MCM3AP: variants seen among roughly 807,000 people sequenced by gnomAD.
The protein encoded by MCM3AP is minichromosome maintenance complex component 3 associated protein, also known as germinal-center associated nuclear protein.
A neutral mutation model predicts 184.1 loss-of-function variants in MCM3AP; 126 were observed. That is an observed-to-expected ratio of 0.68 (90% confidence interval 0.59 to 0.79). The LOEUF is 0.79. Ranked by LOEUF, MCM3AP falls within the 30% of genes least tolerant of loss-of-function variation. MCM3AP has a pLI of 0.00. For missense variants in MCM3AP, 2,496 were observed against 2,479.2 expected (o/e 1.01, Z -0.14); for synonymous variants, 1,002 against 979.3 (o/e 1.02, Z -0.43).
intron 24 of MCM3AP, among the ~76,000 whole-genome samples, chr21:46,243,183 C>T (rs2080702299): frequency 1.3e-5 from 2 of 152,072 alleles, no homozygotes; most frequent in Non-Finnish European, 1.5e-5. Flanking sequence ...AAGCTTACAT[C>T]GAGACTGGCA....
intron 14 of MCM3AP, 64 bp downstream of exon 14, chr21:46,261,216 G>A (rs1199218774): frequency 1.9e-5 from 30 of 1,590,750 alleles, no homozygotes; most frequent in Non-Finnish European, 2.5e-5. Context: ...TCGTGGCTAG[G>A]GTCAGTTCTT....
rs17176933 is a variant in MCM3AP, at chr21:46,240,835, A to T, written c.5609T>A (p.Leu1870Gln). Residue 1870 changes from leucine (L) to glutamine (Q), a missense_variant, in exon 26 of 28, where the codon CTG (leucine) becomes CAG (glutamine). Physicochemically the swap from Leu to Gln is moderately radical, Grantham distance 113. Coordinates refer to ENST00000291688, the MANE Select transcript of MCM3AP (RefSeq NM_003906.5). Reference sequence around the variant, plus strand: ...CCTCTTGTTCTCTTCTTTCTCCAGCAGCAGACTGCTCGACAAACACTGCGC... The same window carrying T: ...CCTCTTGTTCTCTTCTTTCTCCAGCTGCAGACTGCTCGACAAACACTGCGC... Reference protein sequence around the residue: ...LLAQCLSSSLLLEKEENKRFE... With the variant: ...LLAQCLSSSLQLEKEENKRFE... The T allele has an allele frequency of 1.2e-6, 2 of 1,614,220 alleles. No homozygotes were observed. The highest frequency in any genetic ancestry group is 1.7e-6 in the Non-Finnish European group (2 of 1,180,040).
At position 46,260,782 on chromosome 21, in the gene MCM3AP, G is replaced by C. The variant is rs774044196; in HGVS notation, c.3581+11C>G. On this transcript the variant is annotated intron_variant, in intron 15 of 27. Transcript: ENST00000291688. ...TCTCCTGGCACAGCAAGACACCAGC[G>C]TTTCACTTACTTCAACTCCTGGGAG... 6.3e-7 allele frequency: 1 copy of C among 1,592,814 alleles called. No individual in the cohort carries two copies. The highest frequency in any genetic ancestry group is 8.6e-7 in the Non-Finnish European group (1 of 1,160,644).
At position 46,284,912 on chromosome 21, in the gene MCM3AP, A is replaced by G; in HGVS notation, c.375T>C (p.Ser125=). 8 of 1,614,258 alleles carry G rather than the reference A, an allele frequency of 5.0e-6. No individual in the cohort carries two copies. Among genetic ancestry groups the G allele is most frequent in the Non-Finnish European group, 5.9e-6 (7 of 1,180,042 alleles). ...TTTCTCCAGCTTCTTGTCCAAAAGCAGAAGTGCTTGGGAAAGCCCCAACAC... is the reference window on the plus strand; with the variant it reads ...TTTCTCCAGCTTCTTGTCCAAAAGCGGAAGTGCTTGGGAAAGCCCCAACAC... ...PTSVGAFPST[S]AFGQEAGEIV... is the part of the protein sequence containing the mutation. The change falls in exon 1 of 28, where the codon TCT becomes TCC. Residue 125 remains serine, a synonymous_variant. Transcript: ENST00000291688.
chr21:46,254,430 C>A lies in MCM3AP; in HGVS notation c.4098G>T (p.Leu1366Phe). ...EHVFWKLVLV[L>F]PDVEEQSPES... is the part of the protein sequence containing the mutation. ...CTGGGGACTGCTCCTCTACATCCGG[C>A]AACACCAGCACCAGCTTCCAAAACA... The change falls in exon 19 of 28, where the codon TTG (leucine) becomes TTT (phenylalanine). Residue 1366 changes from leucine to phenylalanine, a missense_variant. Transcript: ENST00000291688. 2.5e-6 allele frequency: 4 copies of A among 1,614,192 alleles called. No individual in the cohort carries two copies. Among genetic ancestry groups the A allele is most frequent in the Non-Finnish European group, 3.4e-6 (4 of 1,180,052 alleles).
chr21:46,237,848 C>T (rs2080573329), intron 26 of MCM3AP, among the ~76,000 whole-genome samples: 1 of 114,650 alleles, frequency 8.7e-6, no homozygotes, highest in Non-Finnish European at 1.8e-5. Flanking sequence ...GCCTGTAATC[C>T]CAACACTTTG....
Position 46,266,998 on chromosome 21 carries a change from G to C in MCM3AP, c.2773C>G (p.Leu925Val). 6.2e-7 allele frequency: 1 copy of C among 1,614,196 alleles called. No individual in the cohort carries two copies. The highest frequency in any genetic ancestry group is 8.5e-7 in the Non-Finnish European group (1 of 1,180,040). ...EATDFLTCHG[L>V]TVSDGCVELN... ...AGCTCTTACCCGTCGGAAACGGTGAGGCCGTGGCAGGTGAGGAAGTCGGTG... is the reference window on the plus strand; with the variant it reads ...AGCTCTTACCCGTCGGAAACGGTGACGCCGTGGCAGGTGAGGAAGTCGGTG... The change falls in exon 10 of 28, where the codon CTC becomes GTC. Residue 925 changes from leucine (L) to valine (V), a missense_variant. Physicochemically the swap from Leu to Val is conservative, Grantham distance 32 (BLOSUM62 1). Coordinates refer to ENST00000291688, the MANE Select transcript of MCM3AP (RefSeq NM_003906.5).
At position 46,238,535 on chromosome 21, in the gene MCM3AP, G is replaced by A. The variant is rs920514352; in HGVS notation, c.5634-1556C>T. On this transcript the variant is annotated intron_variant, in intron 26 of 27. Transcript: ENST00000291688. ...CCAGCCTGGCCAACATGGTGAAACT[G>A]CGTCTCTACTAAAAATACAAAAATC... is the stretch of plus-strand genomic sequence containing the variant. Among the ~76,000 whole-genome samples, 20 of 118,540 alleles carry A rather than the reference G, an allele frequency of 1.7e-4. 4 individuals are homozygous for A. The allele number at this position is 118,540 out of a possible 152,430, so 77.8% of individuals were successfully genotyped here.
At chr21:46,252,616 G>C (rs2080891390) in intron 19 of MCM3AP, 1 of 152,114 alleles carries the variant, frequency 6.6e-6, no homozygotes, top group East Asian at 1.9e-4. Flanking sequence ...TTGAACCTGA[G>C]AGGTGGAGGT....
Position 46,256,904 on chromosome 21 carries a change from T to C in MCM3AP, c.3817A>G (p.Ser1273Gly). 1 of 1,609,376 alleles carries C rather than the reference T, an allele frequency of 6.2e-7. No homozygotes were observed. ...GGCGCCAGCGCCCTCAGCCGGTCGCTCACGTCCACGCAGCAGGGCGCAGCA... is the reference window on the plus strand; with the variant it reads ...GGCGCCAGCGCCCTCAGCCGGTCGCCCACGTCCACGCAGCAGGGCGCAGCA... ...FPAAPCCVDV[S>G]DRLRALAPSA... Residue 1273 changes from serine (S) to glycine (G), a missense_variant, in exon 17 of 28, where the codon AGC becomes GGC. By Grantham distance (56) the Ser-to-Gly change is moderately conservative. Coordinates refer to ENST00000291688, the MANE Select transcript of MCM3AP (RefSeq NM_003906.5).
chr21:46,245,164 A>G lies in MCM3AP; in HGVS notation c.4681T>C (p.Cys1561Arg), dbSNP rs1569054723. The G allele has an allele frequency of 1.2e-6, 2 of 1,613,598 alleles. No homozygotes were observed. Among genetic ancestry groups the G allele is most frequent in the Non-Finnish European group, 1.7e-6 (2 of 1,179,780 alleles). Residue 1561 changes from cysteine (C) to arginine (R), a missense_variant, in exon 23 of 28, where the codon TGC becomes CGC. This residue lies in a region of MCM3AP where 1,323 missense variants were observed against 1,273.4 expected (regional missense o/e 1.04). Transcript: ENST00000291688. ...CAGCAGAGGTCAAGGGAATGGGGGC[A>G]GTGGGAAACCAGCCACTGCACTGCT... Reference protein sequence around the residue: ...LQAVQWLVSHCPHSLDLCCQT... With the variant: ...LQAVQWLVSHRPHSLDLCCQT...
At chr21:46,258,816 CTA>C in intron 16 of MCM3AP, 121 bp downstream of exon 16, 7 of 991,228 alleles carry the variant, frequency 7.1e-6, no homozygotes, top group Non-Finnish European at 1.1e-5. Flanking sequence ...GTATTCATTG[CTA>C]TAACATTTTC....
chr21:46,244,647 C>T, intron 23 of MCM3AP, 160 bp downstream of exon 23: 1 of 780,086 alleles, frequency 1.3e-6, no homozygotes, highest in Non-Finnish European at 2.0e-6. Flanking sequence ...ACCCAAAGGA[C>T]CAAAGGAAGG....
At position 46,272,585 on chromosome 21, in the gene MCM3AP, C is replaced by T. The variant is rs1414133138; in HGVS notation, c.2441G>A (p.Ser814Asn). ...AEFQGYNVLLSLNKGDILREV... is the reference protein window; with the variant it reads ...AEFQGYNVLLNLNKGDILREV... ...CCTTAGGATGTCTCCCTTGTTGAGACTGAGCAGAACATTGTAGCCCTGGAA... is the reference window on the plus strand; with the variant it reads ...CCTTAGGATGTCTCCCTTGTTGAGATTGAGCAGAACATTGTAGCCCTGGAA... Residue 814 changes from serine to asparagine, a missense_variant, in exon 8 of 28, where the codon AGT (serine) becomes AAT (asparagine). Physicochemically the swap from Ser to Asn is conservative, Grantham distance 46. Coordinates refer to ENST00000291688, the MANE Select transcript of MCM3AP (RefSeq NM_003906.5). 1 of 1,613,980 alleles carries T rather than the reference C, an allele frequency of 6.2e-7. No individual in the cohort carries two copies. The highest frequency in any genetic ancestry group is 1.3e-5 in the African/African-American group (1 of 75,036).
At chr21:46,275,568 C>A (rs2081245510) in intron 5 of MCM3AP, among the ~76,000 whole-genome samples, 2 of 152,200 alleles carry the variant, frequency 1.3e-5, no homozygotes, top group African/African-American at 4.8e-5. Flanking sequence ...CAGTCACAGA[C>A]CCTCACTGCA....
intron 20 of MCM3AP, among the ~76,000 whole-genome samples, chr21:46,248,180 T>TG (rs2080807682): frequency 2.0e-5 from 3 of 152,046 alleles, no homozygotes; most frequent in Admixed American, 2.0e-4. Context: ...GAGCCAAAGG[T>TG]GAAGTTCAGA....
At chr21:46,253,783 C>G (rs1274242459) in intron 19 of MCM3AP, 1 of 153,926 alleles carries the variant, frequency 6.5e-6, no homozygotes, top group African/African-American at 2.4e-5. Context: ...CTCAGGAGAT[C>G]TGGTTAAGTG....
intron 15 of MCM3AP, among the ~76,000 whole-genome samples, chr21:46,259,903 T>G (rs1473511892): frequency 2.2e-5 from 2 of 91,072 alleles, no homozygotes; most frequent in Non-Finnish European, 4.4e-5. Context: ...AAACTCCATT[T>G]CAAAAAAAAA....
At chr21:46,268,571 C>T (rs936982020) in intron 9 of MCM3AP, among the ~76,000 whole-genome samples, 3 of 152,202 alleles carry the variant, frequency 2.0e-5, no homozygotes, top group African/African-American at 7.2e-5. Flanking sequence ...CGCCTGGCCT[C>T]AGGGAGGTGG....
Sources: gnomAD v4.1 joint callset for allele counts (sites outside exome capture counted in the v4.1 genomes callset) on GRCh38, gnomAD v4.1.1 for gene constraint, gnomAD v4.1.1 regional missense constraint, MANE v1.5 for transcripts, NCBI Gene and HGNC (gene_info 2026-07-23, HGNC 2026-07-21) for gene names.